The following BTBD3 variants were observed in gnomAD, a reference collection of about 807,000 sequenced individuals.
The protein encoded by BTBD3 is BTB domain containing 3.
A neutral mutation model predicts 41.6 loss-of-function variants in BTBD3; 14 were observed. That is an observed-to-expected ratio of 0.34 (90% confidence interval 0.22 to 0.53). The LOEUF (loss-of-function observed/expected upper bound fraction) is 0.53, where lower values mean the gene tolerates loss of function less well. BTBD3 is among the 20% of genes least tolerant of loss of function. BTBD3 has a pLI of 0.95. For missense variants in BTBD3, 426 were observed against 654.7 expected, an observed-to-expected ratio of 0.65 and a Z score of 3.81; for synonymous variants, 249 against 233.7, an observed-to-expected ratio of 1.07 and a Z score of -0.60.
intron 3 of BTBD3, chr20:11,921,568 A>G (rs1239240735): frequency 6.6e-6 from 1 of 152,228 alleles, no homozygotes; most frequent in Non-Finnish European, 1.5e-5. Flanking sequence ...TCACAGTCAG[A>G]GCATCACTGA....
intron 1 of BTBD3, chr20:11,910,540 A>G (rs2056883192): frequency 1.3e-5 from 2 of 152,146 alleles, no homozygotes; most frequent in African/African-American, 2.4e-5. Flanking sequence ...TATTGGGATC[A>G]TTGTATTATG....
intron 1 of BTBD3, among the ~76,000 whole-genome samples, chr20:11,906,822 T>TTTA (rs752166611): frequency 9.9e-5 from 15 of 152,164 alleles, no homozygotes; most frequent in Non-Finnish European, 1.8e-4. Flanking sequence ...ACAAGCCTAT[T>TTTA]TTATTACTTT....
At chr20:11,922,100 T>TGTAAA (rs1403652790) in intron 3 of BTBD3, among the ~76,000 whole-genome samples, 1 of 152,248 alleles carries the variant, frequency 6.6e-6, no homozygotes, top group African/African-American at 2.4e-5. Flanking sequence ...TTGGATTCTA[T>TGTAAA]GTAAAGTTAA....
At chr20:11,899,003 A>G (rs2056807737) in intron 1 of BTBD3, among the ~76,000 whole-genome samples, 1 of 152,192 alleles carries the variant, frequency 6.6e-6, no homozygotes, top group African/African-American at 2.4e-5. Flanking sequence ...GAGCTTTTCA[A>G]AACATACCTG....
chr20:11,914,918 A>G (rs987942361), upstream of BTBD3, among the ~76,000 whole-genome samples: 5 of 152,158 alleles, frequency 3.3e-5, no homozygotes, highest in Non-Finnish European at 1.5e-5. Context: ...CTGTGGATTG[A>G]GTGTAAAGTT....
rs75802904 is a variant in BTBD3, at chr20:11,912,569, A to G, written c.-125-5765A>G. On this transcript the variant is annotated intron_variant, in intron 1 of 4. Coordinates refer to the BTBD3 transcript ENST00000254977. ...ATGTCAGTAGCTGTGCAGTCTGAAA[A>G]GAGTACAAGGATGAGGAGCTAGATT... Among the ~76,000 whole-genome samples, 8 of 152,354 alleles carry G rather than the reference A, an allele frequency of 5.3e-5. No individual in the cohort carries two copies. The East Asian group carries it at 1.5e-3, about 29-fold the overall frequency.
upstream of BTBD3, chr20:11,913,668 T>G (rs543293525): frequency 1.3e-5 from 2 of 152,288 alleles, no homozygotes; most frequent in African/African-American, 4.8e-5. Flanking sequence ...CTGACACCAG[T>G]TGCCATACCT....
Position 11,919,918 on chromosome 20 carries a change from T to C in BTBD3, c.536+82T>C, listed in dbSNP as rs2056953211. 3.3e-6 allele frequency: 4 copies of C among 1,204,816 alleles called. No individual in the cohort carries two copies. The Admixed American group carries it at 6.9e-5, about 21-fold the overall frequency. The allele number at this position is 1,204,816 out of a possible 1,614,324, so 74.6% of individuals were successfully genotyped here. A position where few individuals can be genotyped will look rare whatever the true frequency, so the allele number is the denominator to read the frequency against. On this transcript the variant is annotated intron_variant, in intron 3 of 3. Transcript: ENST00000378226. ...TGGTTTCACAGTTAAATTTAAGTTC[T>C]GCATAACAGAAAAGAAGACTGATGA...
At position 11,923,565 on chromosome 20, in the gene BTBD3, C is replaced by A; in HGVS notation, c.1468C>A (p.Gln490Lys). The change falls in exon 4 of 4, where the codon CAG (glutamine) becomes AAG (lysine). Residue 490 changes from glutamine to lysine, a missense_variant. This residue lies in a region of BTBD3 where 321 missense variants were observed against 534.8 expected (regional missense o/e 0.60). Coordinates refer to ENST00000378226, the MANE Select transcript of BTBD3 (RefSeq NM_014962.4). This position sits in a 1 kb window ranked among gnomAD's most constrained non-coding sequence, Gnocchi z 5.3. ...YFGQEGMTEV[Q>K]CGKVTVQFQC... The stretch of plus-strand genomic sequence containing the variant: ...TGGACAAGAAGGCATGACAGAAGTT[C>A]AGTGTGGCAAAGTGACTGTCCAGTT... The A allele has an allele frequency of 6.2e-7, 1 of 1,614,168 alleles. No individual in the cohort carries two copies. Among genetic ancestry groups the A allele is most frequent in the South Asian group, 1.1e-5 (1 of 91,080 alleles).
chr20:11,918,942 T>C (rs1285756435), intron 1 of BTBD3, 144 bp from the exon 2 acceptor site: 1 of 631,642 alleles, frequency 1.6e-6, no homozygotes, highest in Non-Finnish European at 2.8e-6. Flanking sequence ...ATGAACAGTT[T>C]AGTTAGAACC....
intron 1 of BTBD3, among the ~76,000 whole-genome samples, chr20:11,899,780 A>G (rs1026780810): frequency 6.6e-6 from 1 of 152,190 alleles, no homozygotes; most frequent in Non-Finnish European, 1.5e-5. Flanking sequence ...AGCAAGAAAC[A>G]TTTGTAGATT....
chr20:11,919,496 T>A, intron 2 of BTBD3: 1 of 1,263,680 alleles, frequency 7.9e-7, no homozygotes, highest in Non-Finnish European at 1.1e-6. Context: ...TATTTAGTAA[T>A]GAGGGGACAT....
intron 1 of BTBD3, among the ~76,000 whole-genome samples, chr20:11,911,610 G>T (rs1178154757): frequency 6.6e-6 from 1 of 152,188 alleles, no homozygotes; most frequent in East Asian, 1.9e-4. Flanking sequence ...TTTAAGAAAG[G>T]TGGCGAATTT....
At chr20:11,916,011 T>C (rs1056298915), upstream of BTBD3, among the ~76,000 whole-genome samples, 1 of 152,222 alleles carries the variant, frequency 6.6e-6, no homozygotes, top group African/African-American at 2.4e-5. Flanking sequence ...CAAACCCTTC[T>C]AAGTTCTTGT....
At chr20:11,893,836 T>C (rs2056770792) in intron 1 of BTBD3, among the ~76,000 whole-genome samples, 1 of 152,230 alleles carries the variant, frequency 6.6e-6, no homozygotes, top group African/African-American at 2.4e-5. Flanking sequence ...ATAGACATAC[T>C]TTTGAACAAA....
chr20:11,901,881 T>C (rs999345403), intron 1 of BTBD3, among the ~76,000 whole-genome samples: 1 of 152,210 alleles, frequency 6.6e-6, no homozygotes, highest in African/African-American at 2.4e-5. Context: ...ATTATATAGT[T>C]ACTGAGTGTG....
rs757096228 is a variant in BTBD3, at chr20:11,905,817, A to G, written c.-125-12517A>G. Among the ~76,000 whole-genome samples, 4 of 152,292 alleles carry G rather than the reference A, an allele frequency of 2.6e-5. No homozygotes were observed. In the East Asian group the frequency reaches 5.8e-4, roughly 22 times the overall value. On this transcript the variant is annotated intron_variant, in intron 1 of 4. Transcript: ENST00000254977. Reference sequence around the variant, plus strand: ...CTGTTAGGAGCAAATGATCCCTTCCATTGTGGCCTTTGTTCTGCATCACCA... The same window carrying G: ...CTGTTAGGAGCAAATGATCCCTTCCGTTGTGGCCTTTGTTCTGCATCACCA...
In BTBD3 at chr20:11,919,717, G is replaced by C; in HGVS notation, c.418-1G>C. 6.2e-7 allele frequency: 1 copy of C among 1,613,480 alleles called. No individual in the cohort carries two copies. Among genetic ancestry groups the C allele is most frequent in the Non-Finnish European group, 8.5e-7 (1 of 1,179,432 alleles). ...GAAATAAGATTTCCCTTTCTACACA[G>C]TATGTTTTAGCTGTTGGGAGCTCTG... On this transcript the variant is annotated splice_acceptor_variant, in intron 2 of 3. Transcript: ENST00000378226. LOFTEE classifies it high-confidence loss of function.
At chr20:11,895,751 T>A (rs2056782988) in intron 1 of BTBD3, among the ~76,000 whole-genome samples, 1 of 152,236 alleles carries the variant, frequency 6.6e-6, no homozygotes, top group Non-Finnish European at 1.5e-5. Flanking sequence ...TCTTGGAATT[T>A]TAGAGCTTCT....
Sources: allele counts gnomAD v4.1 joint callset (sites outside exome capture counted in the v4.1 genomes callset), GRCh38; gene constraint gnomAD v4.1.1; regional missense constraint gnomAD v4.1.1; non-coding constraint Gnocchi (gnomAD v3.1); transcripts MANE v1.5; gene names NCBI Gene and HGNC (gene_info 2026-07-23, HGNC 2026-07-21).